PRRG1: variants seen among roughly 807,000 people sequenced by gnomAD.
PRRG1 encodes the protein transmembrane gamma-carboxyglutamic acid protein 1.
A neutral mutation model predicts 11.8 loss-of-function variants in PRRG1; 5 were observed. The ratio of observed to expected loss-of-function variants is 0.42; its 90% CI spans 0.22 to 0.89. The LOEUF (loss-of-function observed/expected upper bound fraction) is 0.89, where lower values mean the gene tolerates loss of function less well. Ranked by LOEUF, PRRG1 falls within the 40% of genes least tolerant of loss-of-function variation. The pLI, the probability that PRRG1 is intolerant of heterozygous loss-of-function variation, is 0.28. For synonymous variants in PRRG1, 66 were observed against 60.4 expected (o/e 1.09, Z -0.43); for missense variants, 155 against 166.1 (o/e 0.93, Z 0.37).
intron 3 of PRRG1, among the ~76,000 whole-genome samples, chrX:37,450,992 T>TTTTGTTTTGTTTTG (rs1921108585): frequency 4.3e-4 from 46 of 106,540 alleles, no homozygotes; most frequent in African/African-American, 1.5e-3. Flanking sequence ...ATTTTTGCTG[T>TTTTGTTTTGTTTTG]TTTTGTTTTG....
chrX:37,399,357 C>G (rs1372488150), intron 1 of PRRG1, among the ~76,000 whole-genome samples: 2 of 108,405 alleles, frequency 1.8e-5, no homozygotes, highest in Non-Finnish European at 3.8e-5. Flanking sequence ...ATTTTCAACC[C>G]AGAATTTCAT....
chrX:37,385,791 C>A (rs191756048), intron 1 of PRRG1, among the ~76,000 whole-genome samples: 1 of 107,745 alleles, frequency 9.3e-6, no homozygotes, highest in African/African-American at 3.4e-5. Context: ...GACGGAGTCT[C>A]GCTCTGTCGT....
intron 1 of PRRG1, among the ~76,000 whole-genome samples, chrX:37,357,176 C>T (rs1269168472): frequency 1.8e-5 from 2 of 111,211 alleles, no homozygotes; most frequent in Non-Finnish European, 3.8e-5. Flanking sequence ...GCGGCTTTTT[C>T]ATATTGGTTT....
At chrX:37,408,776 A>G (rs1412257728) in intron 2 of PRRG1, among the ~76,000 whole-genome samples, 1 of 111,667 alleles carries the variant, frequency 9.0e-6, no homozygotes, top group Non-Finnish European at 1.9e-5. Flanking sequence ...TCCTCACCCA[A>G]TCCCAAAAGC....
intron 1 of PRRG1, among the ~76,000 whole-genome samples, chrX:37,404,587 G>A (rs1421708018): frequency 9.0e-6 from 1 of 110,635 alleles, no homozygotes; most frequent in Admixed American, 9.7e-5. Context: ...ATAGTGCTAG[G>A]TTTCTGATGA....
chrX:37,420,359 TC>T (rs1320159384), intron 2 of PRRG1, among the ~76,000 whole-genome samples: 1 of 111,479 alleles, frequency 9.0e-6, no homozygotes, highest in Non-Finnish European at 1.9e-5. Flanking sequence ...CTAACCTTGT[TC>T]CCACAAGAAA....
chrX:37,402,652 G>T (rs181514251), intron 1 of PRRG1, among the ~76,000 whole-genome samples: 262 of 111,679 alleles, frequency 2.3e-3, no homozygotes, highest in Middle Eastern at 4.6e-3. Flanking sequence ...TTAAACTAAA[G>T]AGCTTCTGCA....
At chrX:37,446,107 CA>C (rs1292665372) in intron 3 of PRRG1, among the ~76,000 whole-genome samples, 1 of 112,420 alleles carries the variant, frequency 8.9e-6, no homozygotes, top group Non-Finnish European at 1.9e-5. Flanking sequence ...ATTTCCCTAT[CA>C]AACACAATGT....
At position 37,362,578 on chromosome X, in the gene PRRG1, G is replaced by GT. The variant is rs782775502; in HGVS notation, c.-42+13189dup. Among the ~76,000 whole-genome samples, 361 of 111,517 alleles carry GT rather than the reference G, an allele frequency of 3.2e-3. 1 individual carries two copies. Among genetic ancestry groups the GT allele is most frequent in the Non-Finnish European group, 5.6e-3 (296 of 53,070 alleles). On this transcript the variant is annotated intron_variant, in intron 1 of 3. Transcript: ENST00000378628. ...GTTGTTTGTGCCTAACCTTTCTTCT[G>GT]TTTTTTCTGTTTGCATTCCTCATTT...
chrX:37,397,055 T>G lies in PRRG1; in HGVS notation c.-41-9154T>G, dbSNP rs782484772. Among the ~76,000 whole-genome samples, 4 of 112,556 alleles carry G rather than the reference T, an allele frequency of 3.6e-5. No homozygotes were observed. In the East Asian group the frequency reaches 1.1e-3, roughly 31 times the overall value. ...AAATAAAAGACACTCACCAAATATT[T>G]TTGGATTGACTGAAGACAGGAAAGA... On this transcript the variant is annotated intron_variant, in intron 1 of 3. Coordinates refer to ENST00000378628, the MANE Select transcript of PRRG1 (RefSeq NM_001142395.2).
At chrX:37,437,311 G>A (rs781910163) in intron 3 of PRRG1, among the ~76,000 whole-genome samples, 1 of 110,944 alleles carries the variant, frequency 9.0e-6, no homozygotes, top group East Asian at 2.8e-4. Context: ...AGGGCGGGGG[G>A]GGAGGTGCTC....
intron 2 of PRRG1, among the ~76,000 whole-genome samples, chrX:37,416,970 C>T (rs1932517262): frequency 9.0e-6 from 1 of 111,523 alleles, no homozygotes; most frequent in African/African-American, 3.2e-5. Context: ...TGAAATTTGG[C>T]TTTTAAGTAT....
chrX:37,375,615 A>T (rs897843650), intron 1 of PRRG1, among the ~76,000 whole-genome samples: 1 of 111,553 alleles, frequency 9.0e-6, no homozygotes, highest in African/African-American at 3.3e-5. Flanking sequence ...TGCAAATATG[A>T]CACCATTGTA....
chrX:37,437,500 T>C (rs1166221163), intron 3 of PRRG1, among the ~76,000 whole-genome samples: 2 of 112,194 alleles, frequency 1.8e-5, no homozygotes, highest in Admixed American at 1.9e-4. Context: ...TTAATTTAAC[T>C]TGTGGACCTG....
intron 1 of PRRG1, among the ~76,000 whole-genome samples, chrX:37,363,568 A>T (rs782524422): frequency 2.1e-4 from 23 of 112,193 alleles, no homozygotes; most frequent in African/African-American, 7.4e-4. Flanking sequence ...TGAATTAATG[A>T]TATTATCCAC....
chrX:37,361,839 T>C (rs1458766315), intron 1 of PRRG1, among the ~76,000 whole-genome samples: 1 of 112,229 alleles, frequency 8.9e-6, no homozygotes, highest in Admixed American at 9.5e-5. Context: ...TCTATATGAG[T>C]AACTTGCCAC....
chrX:37,442,453 G>T (rs2146630316), intron 3 of PRRG1, among the ~76,000 whole-genome samples: 1 of 105,181 alleles, frequency 9.5e-6, no homozygotes, highest in Non-Finnish European at 2.0e-5. Context: ...ATAGGGTGGG[G>T]TGAGGTGGGG....
intron 1 of PRRG1, among the ~76,000 whole-genome samples, chrX:37,368,753 C>CT (rs1211429480): frequency 9.1e-6 from 1 of 110,332 alleles, no homozygotes; most frequent in Non-Finnish European, 1.9e-5. Flanking sequence ...TCTTTTCCAG[C>CT]TTTTTTTAAA....
At chrX:37,436,611 G>A (rs1265625354) in intron 3 of PRRG1, among the ~76,000 whole-genome samples, 2 of 112,071 alleles carry the variant, frequency 1.8e-5, no homozygotes, top group Admixed American at 9.4e-5. Flanking sequence ...CAGAAAGTCC[G>A]ATTCTTTGGC....
Sources: gnomAD v4.1 joint callset for allele counts (sites outside exome capture counted in the v4.1 genomes callset) on GRCh38, gnomAD v4.1.1 for gene constraint, MANE v1.5 for transcripts, NCBI Gene and HGNC (gene_info 2026-07-23, HGNC 2026-07-21) for gene names.